LRP5: variants seen among roughly 807,000 people sequenced by gnomAD.
LRP5 encodes the protein low-density lipoprotein receptor-related protein 5.
In LRP5, 62 loss-of-function variants were observed where a neutral mutation model predicts 154.1. That is an observed-to-expected ratio of 0.40 (90% confidence interval 0.33 to 0.50). The LOEUF is 0.50. Among genes scored for constraint, LRP5 ranks in the 20% least tolerant of loss-of-function variants. The probability of loss-of-function intolerance (pLI) is 0.55; values close to 1 mark genes in which losing one functional copy is unlikely to be tolerated. For missense variants in LRP5, 1,915 were observed against 2,336.7 expected (o/e 0.82, Z 3.72); for synonymous variants, 966 against 1,011.5 (o/e 0.96, Z 0.85).
chr11:68,437,088 C>A (rs3736230), intron 19 of LRP5, 89 bp downstream of exon 19: 3 of 1,132,136 alleles, frequency 2.6e-6, no homozygotes, highest in South Asian at 1.3e-5. Flanking sequence ...GCCTTTCCAG[C>A]GGGGCTGGGG....
Position 68,449,153 on chromosome 11 carries a change from T to A in LRP5, c.*83T>A. The A allele has an allele frequency of 9.3e-7, 1 of 1,076,774 alleles. No individual in the cohort carries two copies. The highest frequency in any genetic ancestry group is 1.2e-6 in the Non-Finnish European group (1 of 824,070). The allele number at this position is 1,076,774 out of a possible 1,614,324, so 66.7% of individuals were successfully genotyped here. On this transcript the variant is annotated 3_prime_UTR_variant, in exon 23 of 23. Transcript: ENST00000294304. ...AAAGAAAAAAATATATTTTATGATT[T>A]AAAAAATAAATATAATTGGGATTTT...
At chr11:68,392,506 AAAAT>A (rs1423198788) in intron 7 of LRP5, among the ~76,000 whole-genome samples, 4 of 152,110 alleles carry the variant, frequency 2.6e-5, no homozygotes, top group Non-Finnish European at 4.4e-5. Context: ...TCTGTCTTGA[AAAAT>A]AAATAAATAA....
At chr11:68,387,404 C>T (rs566384386) in intron 6 of LRP5, among the ~76,000 whole-genome samples, 1 of 151,862 alleles carries the variant, frequency 6.6e-6, no homozygotes, top group African/African-American at 2.4e-5. Flanking sequence ...CATGAGCCAC[C>T]ACGCCCGGTC....
intron 5 of LRP5, among the ~76,000 whole-genome samples, chr11:68,376,258 T>C (rs2153146677): frequency 6.7e-6 from 1 of 149,816 alleles, no homozygotes; most frequent in East Asian, 2.0e-4. Context: ...CTCCGCTAAC[T>C]GCAACCTCTG....
chr11:68,386,578 G>A lies in LRP5; in HGVS notation c.1278G>A (p.Val426=), dbSNP rs766778722. The change falls in exon 6 of 23, where the codon GTG becomes GTA. Residue 426 remains valine (V), a synonymous_variant. Transcript: ENST00000294304. This position sits in a 1 kb window ranked among gnomAD's most constrained non-coding sequence, Gnocchi z 7.9. ...NDPDGIAVDW[V]ARNLYWTDTG... is the part of the protein sequence containing the mutation. ...CCGATGGCATCGCGGTCGACTGGGT[G>A]GCCCGAAACCTCTACTGGACCGACA... 8 of 1,613,720 alleles carry A rather than the reference G, an allele frequency of 5.0e-6. No homozygotes were observed. In the Admixed American group the frequency reaches 1.3e-4, roughly 27 times the overall value.
chr11:68,348,526 G>A (rs2098615564), intron 2 of LRP5, among the ~76,000 whole-genome samples: 1 of 141,514 alleles, frequency 7.1e-6, no homozygotes, highest in East Asian at 2.0e-4. Context: ...CACTCGGTGC[G>A]ACTCTGAAAA....
intron 12 of LRP5, among the ~76,000 whole-genome samples, chr11:68,415,545 A>G (rs2098662071): frequency 6.6e-6 from 1 of 152,020 alleles, no homozygotes; most frequent in Admixed American, 6.6e-5. Flanking sequence ...CAGGAGTTCA[A>G]GACCAGCCTG....
In LRP5 at chr11:68,386,801, A is replaced by G. The variant is rs774644624; in HGVS notation, c.1412+89A>G. On this transcript the variant is annotated intron_variant, in intron 6 of 22. Coordinates refer to ENST00000294304, the MANE Select transcript of LRP5 (RefSeq NM_002335.4). The surrounding 1 kb of genome is among the most constrained non-coding windows in gnomAD (Gnocchi z 7.9). ...TGACCTGGACCTGTCATTCTGGGAC[A>G]CTGTCTTGCATCAGAACCCGGAGGA... The G allele has an allele frequency of 1.4e-5, 20 of 1,427,546 alleles. No individual in the cohort carries two copies. The highest frequency in any genetic ancestry group is 2.2e-4 in the Middle Eastern group (1 of 4,526). The allele number at this position is 1,427,546 out of a possible 1,614,324, so 88.4% of individuals were successfully genotyped here.
At position 68,446,447 on chromosome 11, in the gene LRP5, G is replaced by A. The variant is rs773004799; in HGVS notation, c.4500G>A (p.Pro1500=). 5.6e-6 allele frequency: 9 copies of A among 1,613,148 alleles called. No homozygotes were observed. Among genetic ancestry groups the A allele is most frequent in the East Asian group, 4.5e-5 (2 of 44,882 alleles). The change falls in exon 22 of 23, where the codon CCG becomes CCA. Residue 1500 remains proline, a synonymous_variant. Coordinates refer to ENST00000294304, the MANE Select transcript of LRP5 (RefSeq NM_002335.4). ...KATLYPPILN[P]PPSPATDPSL... is the part of the protein sequence containing the mutation. Reference sequence around the variant, plus strand: ...TTGGCTCTCCTCAGATCCTGAACCCGCCGCCCTCCCCGGCCACGGACCCCT... The same window carrying A: ...TTGGCTCTCCTCAGATCCTGAACCCACCGCCCTCCCCGGCCACGGACCCCT...
At chr11:68,416,762 G>C (rs567369953) in intron 13 of LRP5, among the ~76,000 whole-genome samples, 1 of 152,176 alleles carries the variant, frequency 6.6e-6, no homozygotes. Context: ...AGTCATGGTG[G>C]GGTCAGACCC....
intron 18 of LRP5, among the ~76,000 whole-genome samples, chr11:68,434,659 C>T (rs1004050901): frequency 6.6e-6 from 1 of 152,228 alleles, no homozygotes. Context: ...GGATTACAGG[C>T]ATGAGCCACC....
chr11:68,430,784 A>G (rs3853616), intron 17 of LRP5, among the ~76,000 whole-genome samples: 56,007 of 151,834 alleles, frequency 0.37, 11,719 homozygotes, highest in African/African-American at 0.55. Context: ...TCCTGGTGTT[A>G]GTGGTGGGAG....
chr11:68,366,790 A>G (rs1041045014), intron 5 of LRP5, among the ~76,000 whole-genome samples: 1 of 152,166 alleles, frequency 6.6e-6, no homozygotes, highest in Non-Finnish European at 1.5e-5. Flanking sequence ...AATTTGAGAA[A>G]TGGGGACTTG....
In LRP5 at chr11:68,423,836, G is replaced by A; in HGVS notation, c.3236+139G>A. On this transcript the variant is annotated intron_variant, in intron 14 of 22. Coordinates refer to ENST00000294304, the MANE Select transcript of LRP5 (RefSeq NM_002335.4). The surrounding 1 kb of genome is among the most constrained non-coding windows in gnomAD (Gnocchi z 4.7). ...TGGGTGGCTTTCCAGGGTCCCAAAA[G>A]CAAACACAGGCTCTTTCACAGCCCC... The A allele has an allele frequency of 1.3e-6, 1 of 746,736 alleles. No individual in the cohort carries two copies. The highest frequency in any genetic ancestry group is 2.2e-6 in the Non-Finnish European group (1 of 460,084). The allele number at this position is 746,736 out of a possible 1,614,324, so 46.3% of individuals were successfully genotyped here.
At chr11:68,367,657 G>A (rs1439277803) in intron 5 of LRP5, among the ~76,000 whole-genome samples, 1 of 152,212 alleles carries the variant, frequency 6.6e-6, no homozygotes, top group East Asian at 1.9e-4. Flanking sequence ...AAGTCCTGGC[G>A]GAAAGGGAAA....
chr11:68,337,160 T>C (rs955087413), intron 1 of LRP5, among the ~76,000 whole-genome samples: 1 of 152,232 alleles, frequency 6.6e-6, no homozygotes, highest in Admixed American at 6.5e-5. Flanking sequence ...CGGGAGGGAC[T>C]CGCTCCGCCA....
chr11:68,448,620 G>A (rs1476671325), intron 22 of LRP5, among the ~76,000 whole-genome samples, 189 bp from the exon 23 acceptor site: 1 of 152,146 alleles, frequency 6.6e-6, no homozygotes, highest in Non-Finnish European at 1.5e-5. Context: ...GGTAGAGGTG[G>A]GACCATTGAG....
rs774341563 is a variant in LRP5 at position 68,414,002 on chromosome 11, C to CAACTGCAGCCGT, written c.2820_2827+4dup. 33 of 1,603,542 alleles carry CAACTGCAGCCGT rather than the reference C, an allele frequency of 2.1e-5. No homozygotes were observed. Among genetic ancestry groups the CAACTGCAGCCGT allele is most frequent in the Non-Finnish European group, 2.7e-5 (32 of 1,179,748 alleles). On this transcript the variant is annotated inframe_insertion, in exon 12 of 23. Coordinates refer to ENST00000294304, the MANE Select transcript of LRP5 (RefSeq NM_002335.4). ...ACTACACCCTGGACCCCAGCAGCCGCAACTGCAGCCGTAAGTGCCTCATGG... is the reference window on the plus strand; with the variant it reads ...ACTACACCCTGGACCCCAGCAGCCGCAACTGCAGCCGTAACTGCAGCCGTAAGTGCCTCATGG...
intron 1 of LRP5, among the ~76,000 whole-genome samples, chr11:68,334,834 C>T (rs1415797859): frequency 1.3e-5 from 2 of 152,070 alleles, no homozygotes; most frequent in East Asian, 3.8e-4. Context: ...CCATTTTACT[C>T]CAGCCTGGGT....
Sources: gnomAD v4.1 joint callset for allele counts (sites outside exome capture counted in the v4.1 genomes callset) on GRCh38, gnomAD v4.1.1 for gene constraint, Gnocchi (gnomAD v3.1) non-coding constraint, MANE v1.5 for transcripts, NCBI Gene and HGNC (gene_info 2026-07-23, HGNC 2026-07-21) for gene names.